The following STPG2 variants were observed in gnomAD, a reference collection of about 807,000 sequenced individuals.
STPG2 encodes the protein sperm tail PG-rich repeat containing 2, also known as sperm-tail PG-rich repeat-containing protein 2.
STPG2 carries 56 observed loss-of-function variants against 54.2 expected under a neutral mutation model. That is an observed-to-expected ratio of 1.03 (90% CI 0.83 to 1.29). STPG2 has a LOEUF of 1.29. Among genes scored for constraint, STPG2 ranks in the 50% most tolerant of loss-of-function variants. STPG2 has a pLI of 0.00. For missense variants in STPG2, 596 were observed against 544.9 expected, an observed-to-expected ratio of 1.09 and a Z score of -0.93; for synonymous variants, 200 against 181.8, an observed-to-expected ratio of 1.10 and a Z score of -0.81.
intron 5 of STPG2, chr4:98,025,677 C>A: frequency 2.8e-6 from 3 of 1,063,354 alleles, no homozygotes; most frequent in Non-Finnish European, 4.3e-6. Flanking sequence ...TATGTTGCAG[C>A]GTATTGTACT....
intron 9 of STPG2, among the ~76,000 whole-genome samples, chr4:97,779,892 G>A (rs1297404943): frequency 6.6e-6 from 1 of 152,064 alleles, no homozygotes; most frequent in Non-Finnish European, 1.5e-5. Context: ...GAGAGATTCT[G>A]TCACCACCAG....
chr4:97,965,626 C>G (rs1438167901), intron 7 of STPG2, among the ~76,000 whole-genome samples: 1 of 152,196 alleles, frequency 6.6e-6, no homozygotes, highest in African/African-American at 2.4e-5. Context: ...TGGTGCCCCT[C>G]TGGGACGAAG....
At chr4:97,643,709 AG>A (rs1372844504) in intron 10 of STPG2, among the ~76,000 whole-genome samples, 2 of 151,820 alleles carry the variant, frequency 1.3e-5, no homozygotes, top group Non-Finnish European at 3.0e-5. Flanking sequence ...TACTTCTATA[AG>A]CATACATATC....
In STPG2 at chr4:97,943,910, T is replaced by C; in HGVS notation, c.1031A>G (p.Lys344Arg). ...GAGTATTCTTACCATATCTGGTACT[T>C]TCATAGTTCTTTTGGCTCTTGACAA... ...AFLSRAKRTM[K>R]VPDMVIPAPG... Residue 344 changes from lysine to arginine, a missense_variant, in exon 8 of 11, where the codon AAA becomes AGA. Physicochemically the swap from Lys to Arg is conservative, Grantham distance 26. Transcript: ENST00000295268. 1 of 1,576,920 alleles carries C rather than the reference T, an allele frequency of 6.3e-7. No homozygotes were observed. Among genetic ancestry groups the C allele is most frequent in the South Asian group, 1.2e-5 (1 of 84,796 alleles).
intron 8 of STPG2, among the ~76,000 whole-genome samples, chr4:97,921,231 C>T (rs1041336074): frequency 1.3e-5 from 2 of 152,042 alleles, no homozygotes; most frequent in South Asian, 2.1e-4. Flanking sequence ...GCACTAATGG[C>T]CTCAGGCTCC....
At chr4:97,549,396 C>G (rs944889168) in intron 4 of STPG2, among the ~76,000 whole-genome samples, 1 of 152,098 alleles carries the variant, frequency 6.6e-6, no homozygotes, top group Non-Finnish European at 1.5e-5. Context: ...CATAGTCACT[C>G]TAAAATATTA....
chr4:97,589,238 CA>C (rs895833900), intron 10 of STPG2, among the ~76,000 whole-genome samples: 149 of 144,100 alleles, frequency 1.0e-3, no homozygotes, highest in African/African-American at 3.0e-3. Flanking sequence ...ATAAAATCAC[CA>C]AAAAAAAAAC....
chr4:98,066,114 T>C (rs975334807), intron 5 of STPG2, among the ~76,000 whole-genome samples: 1 of 151,926 alleles, frequency 6.6e-6, no homozygotes, highest in African/African-American at 2.4e-5. Flanking sequence ...GTTTATAATA[T>C]ATTTAAACAT....
At chr4:97,698,261 T>A (rs1413955573) in intron 10 of STPG2, among the ~76,000 whole-genome samples, 1 of 152,162 alleles carries the variant, frequency 6.6e-6, no homozygotes, top group Non-Finnish European at 1.5e-5. Flanking sequence ...AGTTTCCCAT[T>A]AAGCTTAATC....
intron 7 of STPG2, among the ~76,000 whole-genome samples, chr4:97,948,802 C>T (rs1311456620): frequency 6.6e-6 from 1 of 151,896 alleles, no homozygotes; most frequent in Non-Finnish European, 1.5e-5. Context: ...TATTTTTTCA[C>T]ATTTATTGAG....
intron 4 of STPG2, 62 bp from the exon 5 acceptor site, chr4:98,106,126 A>T (rs1453305649): frequency 8.8e-7 from 1 of 1,136,612 alleles, no homozygotes; most frequent in East Asian, 2.9e-5. Context: ...TATTTATGTA[A>T]GCAAAGAAAT....
chr4:97,811,826 G>A (rs1361323340), intron 9 of STPG2, among the ~76,000 whole-genome samples: 2 of 151,850 alleles, frequency 1.3e-5, no homozygotes, highest in South Asian at 2.1e-4. Flanking sequence ...CAGTGTGCAA[G>A]GGTAATGGAA....
chr4:97,702,192 C>T (rs1167961733), intron 10 of STPG2, among the ~76,000 whole-genome samples: 2 of 152,174 alleles, frequency 1.3e-5, no homozygotes, highest in African/African-American at 2.4e-5. Flanking sequence ...ATCTTTTAAT[C>T]CATATTTCAG....
At chr4:97,727,782 T>C (rs1220231076) in intron 9 of STPG2, among the ~76,000 whole-genome samples, 2 of 151,862 alleles carry the variant, frequency 1.3e-5, no homozygotes, top group Admixed American at 1.3e-4. Flanking sequence ...TTTAAAAATT[T>C]TTGATTTCCA....
At chr4:97,871,114 A>C (rs1398385803) in intron 8 of STPG2, among the ~76,000 whole-genome samples, 1 of 151,158 alleles carries the variant, frequency 6.6e-6, no homozygotes, top group Non-Finnish European at 1.5e-5. Flanking sequence ...TTCTGAAAAC[A>C]ATAATGATAA....
intron 5 of STPG2, among the ~76,000 whole-genome samples, chr4:98,065,647 TAG>T (rs574769616): frequency 1.3e-3 from 205 of 152,274 alleles, no homozygotes; most frequent in South Asian, 5.4e-3. Flanking sequence ...ACTTGAACAA[TAG>T]AGACTGTGAG....
At chr4:97,727,752 C>T (rs896161989) in intron 9 of STPG2, among the ~76,000 whole-genome samples, 1 of 149,472 alleles carries the variant, frequency 6.7e-6, no homozygotes, top group African/African-American at 2.4e-5. Context: ...TCTTACAAAA[C>T]TAGTGTTTGT....
intron 4 of STPG2, among the ~76,000 whole-genome samples, chr4:97,493,164 G>A (rs574510036): frequency 5.3e-5 from 8 of 150,558 alleles, no homozygotes; most frequent in South Asian, 4.2e-4. Flanking sequence ...GTAAAACGTC[G>A]GTTATTACAG....
chr4:97,906,891 C>A (rs968599364), intron 8 of STPG2, among the ~76,000 whole-genome samples: 2 of 152,028 alleles, frequency 1.3e-5, no homozygotes, highest in African/African-American at 2.4e-5. Flanking sequence ...CTATCTATGA[C>A]AAACCCACAG....
Sources: gnomAD v4.1 joint callset for allele counts (sites outside exome capture counted in the v4.1 genomes callset) on GRCh38, gnomAD v4.1.1 for gene constraint, MANE v1.5 for transcripts, NCBI Gene and HGNC (gene_info 2026-07-23, HGNC 2026-07-21) for gene names.